CSMD3: variants seen among roughly 807,000 people sequenced by gnomAD.
CSMD3 encodes CUB and Sushi multiple domains 3, also known as CUB and sushi domain-containing protein 3.
In CSMD3, 177 loss-of-function variants were observed where a neutral mutation model predicts 435.2. The observed-to-expected ratio is 0.41, with a 90% CI of 0.36 to 0.46. The LOEUF is 0.46. Among genes scored for constraint, CSMD3 ranks in the 20% least tolerant of loss-of-function variants. The probability of loss-of-function intolerance (pLI) is 0.34; values close to 1 mark genes in which losing one functional copy is unlikely to be tolerated. For synonymous variants in CSMD3, 1,656 were observed against 1,520.5 expected, an observed-to-expected ratio of 1.09 and a Z score of -2.07; for missense variants, 4,265 against 4,504.6, an observed-to-expected ratio of 0.95 and a Z score of 1.52.
At position 112,550,686 on chromosome 8, in the gene CSMD3, C is replaced by T. The variant is rs2131188434; in HGVS notation, c.4549G>A (p.Ala1517Thr). Residue 1517 changes from alanine (A) to threonine (T), a missense_variant, in exon 27 of 71, where the codon GCA becomes ACA. Ala to Thr is a moderately conservative substitution (Grantham distance 58, BLOSUM62 0). Transcript: ENST00000297405. ...AAAAACTTACTTGAAAACTGAATTG[C>T]AAATCCAGATTTGCTAATATAAAAA... Reference protein sequence around the residue: ...TDFYISKSGFAIQFSSSVATA... With the variant: ...TDFYISKSGFTIQFSSSVATA... 2 of 1,599,328 alleles carry T rather than the reference C, an allele frequency of 1.3e-6. No homozygotes were observed. Among genetic ancestry groups the T allele is most frequent in the South Asian group, 1.1e-5 (1 of 90,740 alleles).
At chr8:113,188,515 G>A (rs1483508013) in intron 3 of CSMD3, among the ~76,000 whole-genome samples, 1 of 151,876 alleles carries the variant, frequency 6.6e-6, no homozygotes, top group Non-Finnish European at 1.5e-5. Context: ...TGTGCAATTG[G>A]GAACCACGGC....
intron 13 of CSMD3, among the ~76,000 whole-genome samples, chr8:112,702,141 C>A (rs1004160008): frequency 6.6e-6 from 1 of 152,048 alleles, no homozygotes; most frequent in East Asian, 1.9e-4. Context: ...ATGTATCACA[C>A]GGTTCTAGGC....
At chr8:113,177,178 T>C (rs1450909742) in intron 3 of CSMD3, among the ~76,000 whole-genome samples, 3 of 151,796 alleles carry the variant, frequency 2.0e-5, no homozygotes, top group Non-Finnish European at 4.4e-5. Context: ...TATCTCAATG[T>C]GTTTTGAAGC....
At chr8:113,118,385 T>G (rs537673834) in intron 4 of CSMD3, among the ~76,000 whole-genome samples, 7 of 152,202 alleles carry the variant, frequency 4.6e-5, no homozygotes, top group Non-Finnish European at 1.0e-4. Flanking sequence ...GAGGCAGTAA[T>G]GTGCTGAGCT....
intron 13 of CSMD3, among the ~76,000 whole-genome samples, chr8:112,796,342 T>G (rs2078828865): frequency 6.6e-6 from 1 of 152,096 alleles, no homozygotes; most frequent in Non-Finnish European, 1.5e-5. Context: ...CAGGCTAGAT[T>G]CTGGGAATAC....
rs965038591 is a variant in CSMD3, at chr8:112,310,739, C to A, written c.7885+239G>T. The A allele has an allele frequency of 1.2e-5, 7 of 586,288 alleles. No homozygotes were observed. The East Asian group carries it at 1.9e-4, about 16-fold the overall frequency. The allele number at this position is 586,288 out of a possible 1,614,324, so 36.3% of individuals were successfully genotyped here. ...AGGATGTATGAATAAAGTATGTATACAAGGGGAAAAAGTCAAGGCATATAA... is the reference window on the plus strand; with the variant it reads ...AGGATGTATGAATAAAGTATGTATAAAAGGGGAAAAAGTCAAGGCATATAA... On this transcript the variant is annotated intron_variant, in intron 50 of 70. Transcript: ENST00000297405.
chr8:112,892,637 C>CA (rs1564073824), intron 10 of CSMD3, among the ~76,000 whole-genome samples: 2 of 151,468 alleles, frequency 1.3e-5, no homozygotes, highest in African/African-American at 2.4e-5. Context: ...TTACTGTTCT[C>CA]ACTGCTTGCT....
At chr8:113,272,547 T>G (rs1017952639) in intron 3 of CSMD3, among the ~76,000 whole-genome samples, 3 of 151,870 alleles carry the variant, frequency 2.0e-5, no homozygotes, top group Non-Finnish European at 4.4e-5. Context: ...AATTTCATTT[T>G]TCTCTTGCCA....
At chr8:112,975,399 A>G (rs1165766649) in intron 7 of CSMD3, among the ~76,000 whole-genome samples, 1 of 152,134 alleles carries the variant, frequency 6.6e-6, no homozygotes, top group African/African-American at 2.4e-5. Flanking sequence ...TAACATTTGC[A>G]TAACATAAAA....
intron 2 of CSMD3, among the ~76,000 whole-genome samples, chr8:113,285,490 A>C (rs897468556): frequency 1.3e-5 from 2 of 151,978 alleles, no homozygotes; most frequent in Non-Finnish European, 2.9e-5. Flanking sequence ...CGATCTCCTG[A>C]CCTCGTGATC....
At chr8:112,496,490 GA>G (rs1821356856) in intron 30 of CSMD3, among the ~76,000 whole-genome samples, 1 of 152,066 alleles carries the variant, frequency 6.6e-6, no homozygotes, top group Admixed American at 6.6e-5. Flanking sequence ...GTATATCGAA[GA>G]GATATCTGCA....
Position 112,672,707 on chromosome 8 carries a change from A to C in CSMD3, c.2678-6292T>G, listed in dbSNP as rs558767687. On this transcript the variant is annotated intron_variant, in intron 16 of 70. Coordinates refer to ENST00000297405, the MANE Select transcript of CSMD3 (RefSeq NM_198123.2). ...TTGTAGCAATGAAAACAACAATGAGATATGTAAATTCAATATAGTTCATTT... is the reference window on the plus strand; with the variant it reads ...TTGTAGCAATGAAAACAACAATGAGCTATGTAAATTCAATATAGTTCATTT... 2.6e-5 allele frequency among the ~76,000 whole-genome samples: 4 copies of C among 152,220 alleles called. No homozygotes were observed. In the South Asian group the frequency reaches 8.3e-4, roughly 32 times the overall value.
intron 10 of CSMD3, among the ~76,000 whole-genome samples, chr8:112,864,302 G>T (rs2129942019): frequency 6.6e-6 from 1 of 152,188 alleles, no homozygotes; most frequent in South Asian, 2.1e-4. Context: ...AGGCTGGAGT[G>T]CAGTGGCATG....
chr8:113,317,451 C>T (rs2132687214), intron 1 of CSMD3, among the ~76,000 whole-genome samples: 1 of 152,282 alleles, frequency 6.6e-6, no homozygotes, highest in East Asian at 1.9e-4. Context: ...TTTGTCCACT[C>T]ATTCTTCAAG....
At chr8:113,310,072 A>C (rs2093855710) in intron 2 of CSMD3, 1 of 152,210 alleles carries the variant, frequency 6.6e-6, no homozygotes, top group Non-Finnish European at 1.5e-5. Context: ...AGGCCATATC[A>C]AAGTAGCAAT....
chr8:112,425,994 A>G (rs1284540749), intron 32 of CSMD3, among the ~76,000 whole-genome samples: 1 of 152,202 alleles, frequency 6.6e-6, no homozygotes, highest in African/African-American at 2.4e-5. Flanking sequence ...AAGTGGTTAC[A>G]TAGAATTCCA....
intron 35 of CSMD3, among the ~76,000 whole-genome samples, chr8:112,395,735 T>C (rs1337110384): frequency 5.3e-5 from 8 of 152,142 alleles, no homozygotes; most frequent in Non-Finnish European, 1.0e-4. Context: ...AGGGGGTTAT[T>C]TGAATCACAG....
intron 59 of CSMD3, among the ~76,000 whole-genome samples, chr8:112,268,586 T>C (rs551780030): frequency 6.6e-6 from 1 of 152,346 alleles, no homozygotes; most frequent in East Asian, 1.9e-4. Context: ...TAGACATGCA[T>C]AACATTTTTA....
At chr8:112,471,166 T>C (rs1586433589) in intron 32 of CSMD3, among the ~76,000 whole-genome samples, 1 of 152,204 alleles carries the variant, frequency 6.6e-6, no homozygotes, top group Non-Finnish European at 1.5e-5. Context: ...AATTTTCCTC[T>C]TTCTCATTCA....
Sources: allele counts gnomAD v4.1 joint callset (sites outside exome capture counted in the v4.1 genomes callset), GRCh38; gene constraint gnomAD v4.1.1; transcripts MANE v1.5; gene names NCBI Gene and HGNC (gene_info 2026-07-23, HGNC 2026-07-21).